Variants in ZMAT4 observed in about 807,000 individuals in gnomAD.
ZMAT4 encodes zinc finger matrin-type protein 4.
A neutral mutation model predicts 28.7 loss-of-function variants in ZMAT4; 17 were observed. The ratio of observed to expected loss-of-function variants is 0.59; its 90% CI spans 0.41 to 0.89. ZMAT4 has a LOEUF of 0.89. Ranked by LOEUF, ZMAT4 falls within the 40% of genes least tolerant of loss-of-function variation. The pLI is 0.00. For missense variants in ZMAT4, 240 were observed against 283.8 expected (o/e 0.85, Z 1.11); for synonymous variants, 117 against 109.2 (o/e 1.07, Z -0.44).
intron 1 of ZMAT4, among the ~76,000 whole-genome samples, chr8:40,844,364 T>C (rs1816804639): frequency 6.6e-6 from 1 of 152,176 alleles, no homozygotes; most frequent in Non-Finnish European, 1.5e-5. Context: ...TGTTGAGGGC[T>C]AGAATGGGAC....
intron 5 of ZMAT4, among the ~76,000 whole-genome samples, chr8:40,666,438 T>C (rs983525533): frequency 6.6e-6 from 1 of 152,114 alleles, no homozygotes; most frequent in African/African-American, 2.4e-5. Flanking sequence ...TGTTAATCTA[T>C]AAAAATAATT....
intron 2 of ZMAT4, among the ~76,000 whole-genome samples, chr8:40,821,151 T>C (rs1815814397): frequency 6.6e-6 from 1 of 152,112 alleles, no homozygotes; most frequent in Admixed American, 6.5e-5. Context: ...CTGTACTTTT[T>C]TCTTTTTCCT....
chr8:40,564,655 C>T (rs1214619928), intron 6 of ZMAT4, among the ~76,000 whole-genome samples: 1 of 152,188 alleles, frequency 6.6e-6, no homozygotes, highest in Non-Finnish European at 1.5e-5. Context: ...GCCACTGTTG[C>T]AGCCTGTTCC....
At chr8:40,885,757 T>A (rs776530552) in intron 1 of ZMAT4, among the ~76,000 whole-genome samples, 57 of 152,278 alleles carry the variant, frequency 3.7e-4, no homozygotes, top group Admixed American at 9.2e-4. Context: ...AGCTTCAGGG[T>A]CTTCTTGGGC....
intron 1 of ZMAT4, among the ~76,000 whole-genome samples, chr8:40,827,651 A>G (rs1586127015): frequency 6.6e-6 from 1 of 152,140 alleles, no homozygotes; most frequent in Non-Finnish European, 1.5e-5. Flanking sequence ...TGGTTTTTCA[A>G]TGCCCCCAGC....
chr8:40,572,502 C>T (rs1440836100), intron 6 of ZMAT4, among the ~76,000 whole-genome samples: 1 of 152,128 alleles, frequency 6.6e-6, no homozygotes, highest in East Asian at 1.9e-4. Context: ...TGACAACTTT[C>T]ATATCCTTTA....
chr8:40,851,817 G>A (rs1224994129), intron 1 of ZMAT4, among the ~76,000 whole-genome samples: 1 of 152,178 alleles, frequency 6.6e-6, no homozygotes, highest in Non-Finnish European at 1.5e-5. Flanking sequence ...GTTGTAGGAT[G>A]TTAAATCAAC....
intron 5 of ZMAT4, among the ~76,000 whole-genome samples, chr8:40,584,677 G>A (rs186018188): frequency 8.3e-4 from 127 of 152,104 alleles, no homozygotes; most frequent in African/African-American, 2.9e-3. Flanking sequence ...CTGTCACCCA[G>A]GCTGGAGTGC....
At chr8:40,798,248 G>A (rs907498383) in intron 2 of ZMAT4, among the ~76,000 whole-genome samples, 7 of 152,288 alleles carry the variant, frequency 4.6e-5, no homozygotes, top group Admixed American at 4.6e-4. Flanking sequence ...GCAAGTTAAT[G>A]ATCTGCACAC....
At chr8:40,549,967 C>A (rs2118416841) in intron 6 of ZMAT4, among the ~76,000 whole-genome samples, 1 of 152,258 alleles carries the variant, frequency 6.6e-6, no homozygotes, top group South Asian at 2.1e-4. Flanking sequence ...TTGAGCTTGT[C>A]ATTCTCCTAA....
intron 3 of ZMAT4, among the ~76,000 whole-genome samples, chr8:40,717,646 G>A (rs760335186): frequency 3.3e-5 from 5 of 152,012 alleles, no homozygotes; most frequent in Non-Finnish European, 5.9e-5. Context: ...GGGTGACAGA[G>A]CAAGACTCTG....
chr8:40,579,080 G>A (rs1006607413), intron 6 of ZMAT4, among the ~76,000 whole-genome samples: 11 of 152,042 alleles, frequency 7.2e-5, no homozygotes, highest in Non-Finnish European at 1.6e-4. Flanking sequence ...TTATCTCAAG[G>A]GTAGTTAAGG....
chr8:40,798,947 C>A (rs1358155916), intron 2 of ZMAT4, among the ~76,000 whole-genome samples: 2 of 152,166 alleles, frequency 1.3e-5, no homozygotes, highest in African/African-American at 4.8e-5. Flanking sequence ...GGGACATATT[C>A]CCAGCTGGCC....
At chr8:40,566,378 GC>G (rs1803924827) in intron 6 of ZMAT4, among the ~76,000 whole-genome samples, 1 of 152,100 alleles carries the variant, frequency 6.6e-6, no homozygotes, top group Admixed American at 6.6e-5. Context: ...TTTAACTTGT[GC>G]TGATGTTTTC....
chr8:40,891,935 T>A (rs753246582), intron 1 of ZMAT4, among the ~76,000 whole-genome samples: 7 of 152,302 alleles, frequency 4.6e-5, no homozygotes, highest in Non-Finnish European at 1.0e-4. Context: ...GCTTCCTACT[T>A]GGCTCAAACC....
chr8:40,601,545 GA>G (rs1428628713), intron 5 of ZMAT4, among the ~76,000 whole-genome samples: 1 of 141,248 alleles, frequency 7.1e-6, no homozygotes, highest in Non-Finnish European at 1.5e-5. Context: ...GGGGAAGGGG[GA>G]GTGAGAAAGA....
intron 6 of ZMAT4, among the ~76,000 whole-genome samples, chr8:40,579,898 C>T (rs1350667994): frequency 1.3e-5 from 2 of 152,100 alleles, no homozygotes; most frequent in African/African-American, 4.8e-5. Context: ...ATTGCTCCCT[C>T]CCCCATGCTT....
At chr8:40,856,978 A>G (rs557472115) in intron 1 of ZMAT4, among the ~76,000 whole-genome samples, 8 of 152,318 alleles carry the variant, frequency 5.3e-5, no homozygotes, top group African/African-American at 1.9e-4. Flanking sequence ...AGTGTTCTCC[A>G]CTAAAGTCAT....
intron 3 of ZMAT4, among the ~76,000 whole-genome samples, chr8:40,759,999 C>T (rs190685854): frequency 3.2e-4 from 49 of 152,252 alleles, no homozygotes; most frequent in Admixed American, 2.8e-3. Flanking sequence ...ACTAACGCAG[C>T]CTGACCAAAC....
Sources: allele counts gnomAD v4.1 joint callset (sites outside exome capture counted in the v4.1 genomes callset), GRCh38; gene constraint gnomAD v4.1.1; transcripts MANE v1.5; gene names NCBI Gene and HGNC (gene_info 2026-07-23, HGNC 2026-07-21).